The following KIF11 variants were observed in gnomAD, a reference collection of about 807,000 sequenced individuals.
KIF11 encodes the protein kinesin-like protein KIF11.
Under a neutral mutation model 121.0 loss-of-function variants are expected in KIF11, and 9 were observed. The ratio of observed to expected loss-of-function variants is 0.07; its 90% CI spans 0.04 to 0.13. The LOEUF is 0.13. Among genes scored for constraint, KIF11 ranks in the 10% least tolerant of loss-of-function variants. KIF11 has a pLI of 1.00. For synonymous variants in KIF11, 408 were observed against 421.0 expected (o/e 0.97, Z 0.38); for missense variants, 846 against 1,217.5 (o/e 0.69, Z 4.54).
At chr10:92,641,763 TATGACTTTGATGACACAA>T (rs1369330201) in intron 17 of KIF11, among the ~76,000 whole-genome samples, 1 of 152,228 alleles carries the variant, frequency 6.6e-6, no homozygotes, top group Non-Finnish European at 1.5e-5. Flanking sequence ...CATCTGCCCC[TATGACTTTGATGACACAA>T]ATGTTAGATC....
chr10:92,650,502 G>A lies in KIF11; in HGVS notation c.3024G>A (p.Gly1008=), dbSNP rs1242158562. 6.2e-7 allele frequency: 1 copy of A among 1,606,856 alleles called. No individual in the cohort carries two copies. The highest frequency in any genetic ancestry group is 1.7e-5 in the Admixed American group (1 of 59,992). Residue 1008 remains glycine, a synonymous_variant, in exon 21 of 22, where the codon GGG becomes GGA. Coordinates refer to ENST00000260731, the MANE Select transcript of KIF11 (RefSeq NM_004523.4). ...DAGVDCSSIG[G]VPFFQHKKSH... ...GTGTGGATTGTTCATCAATTGGCGG[G>A]GTTCCATTTTTCCAGGTATGTCATA...
Position 92,613,031 on chromosome 10 carries a change from G to A in KIF11, c.699-9G>A, listed in dbSNP as rs1165319669. 2.6e-6 allele frequency: 4 copies of A among 1,536,580 alleles called. No individual in the cohort carries two copies. Among genetic ancestry groups the A allele is most frequent in the Non-Finnish European group, 3.6e-6 (4 of 1,115,304 alleles). On this transcript the variant is annotated splice_polypyrimidine_tract_variant and intron_variant, in intron 6 of 21. Coordinates refer to ENST00000260731, the MANE Select transcript of KIF11 (RefSeq NM_004523.4). The surrounding 1 kb of genome is among the most constrained non-coding windows in gnomAD (Gnocchi z 4.2). ...TATAATGACTGGGCAACTTGATATT[G>A]TTTTCTAGTCGTTCCCACTCAGTTT...
intron 20 of KIF11, 127 bp downstream of exon 20, chr10:92,650,113 G>A: frequency 1.5e-6 from 1 of 682,528 alleles, no homozygotes. Flanking sequence ...GATAGGCCTA[G>A]CCCTTAGGCT....
At chr10:92,651,856 G>GGT (rs1428943155) in intron 21 of KIF11, among the ~76,000 whole-genome samples, 1 of 151,574 alleles carries the variant, frequency 6.6e-6, no homozygotes, top group Non-Finnish European at 1.5e-5. Flanking sequence ...CTAATTTGAG[G>GGT]GTACAAGCCT....
Position 92,613,604 on chromosome 10 carries a change from A to G in KIF11, c.1017A>G (p.Ala339=), listed in dbSNP as rs1257384818. ...RTSIIATISP[A]SLNLEETLST... is the part of the protein sequence containing the mutation. The stretch of plus-strand genomic sequence containing the variant: ...CTATAATTGCAACAATTTCTCCTGC[A>G]TCTCTCAATCTTGAGGTAAGCCCTT... Residue 339 remains alanine (A), a synonymous_variant, in exon 8 of 22, where the codon GCA becomes GCG. Coordinates refer to ENST00000260731, the MANE Select transcript of KIF11 (RefSeq NM_004523.4). This position sits in a 1 kb window ranked among gnomAD's most constrained non-coding sequence, Gnocchi z 4.2. 1 of 1,612,754 alleles carries G rather than the reference A, an allele frequency of 6.2e-7. No individual in the cohort carries two copies. Among genetic ancestry groups the G allele is most frequent in the Non-Finnish European group, 8.5e-7 (1 of 1,179,382 alleles).
chr10:92,624,228 CTT>C (rs201871020), intron 10 of KIF11, among the ~76,000 whole-genome samples: 253 of 99,804 alleles, frequency 2.5e-3, no homozygotes, highest in African/African-American at 3.3e-3. Flanking sequence ...TGATCTCATT[CTT>C]TTTTTTTTTT....
At chr10:92,631,628 T>C (rs1318245682) in intron 12 of KIF11, among the ~76,000 whole-genome samples, 9 of 151,850 alleles carry the variant, frequency 5.9e-5, no homozygotes, top group Admixed American at 4.6e-4. Context: ...CCCAAAGTGC[T>C]GGGATTACAG....
intron 10 of KIF11, among the ~76,000 whole-genome samples, chr10:92,623,940 A>C (rs1174394344): frequency 6.6e-6 from 1 of 151,868 alleles, no homozygotes; most frequent in Non-Finnish European, 1.5e-5. Context: ...GATTTGTTCT[A>C]TAGATATATT....
chr10:92,597,551 C>T (rs1844312602), intron 1 of KIF11, among the ~76,000 whole-genome samples: 1 of 152,028 alleles, frequency 6.6e-6, no homozygotes, highest in Non-Finnish European at 1.5e-5. Context: ...GAGTGTGAGC[C>T]CTCATCTGGC....
At chr10:92,642,478 A>T in intron 17 of KIF11, among the ~76,000 whole-genome samples, 1 of 152,232 alleles carries the variant, frequency 6.6e-6, no homozygotes, top group Admixed American at 6.5e-5. Context: ...GTTGATTGAT[A>T]GTGCTATTCA....
intron 1 of KIF11, among the ~76,000 whole-genome samples, chr10:92,595,813 T>A (rs1844288790): frequency 6.6e-6 from 1 of 152,042 alleles, no homozygotes; most frequent in African/African-American, 2.4e-5. Flanking sequence ...TAAAGTGGAG[T>A]CATAATACAG....
At chr10:92,617,771 G>A (rs928282581) in intron 9 of KIF11, among the ~76,000 whole-genome samples, 8 of 149,464 alleles carry the variant, frequency 5.4e-5, no homozygotes, top group African/African-American at 1.7e-4. Context: ...ATGAAGTCTC[G>A]CTCTTTCACC....
chr10:92,641,890 T>A (rs1313533455), intron 17 of KIF11, among the ~76,000 whole-genome samples: 1 of 152,204 alleles, frequency 6.6e-6, no homozygotes, highest in Non-Finnish European at 1.5e-5. Context: ...TGATCTGTCT[T>A]CATATTCACT....
intron 11 of KIF11, 89 bp downstream of exon 11, chr10:92,628,984 A>G (rs988947952): frequency 5.1e-6 from 4 of 785,678 alleles, no homozygotes; most frequent in East Asian, 5.6e-5. Flanking sequence ...TTTTTCCTTC[A>G]AGATTTTTTT....
chr10:92,605,115 G>C (rs758529797), intron 1 of KIF11, among the ~76,000 whole-genome samples: 8 of 152,110 alleles, frequency 5.3e-5, no homozygotes, highest in Middle Eastern at 3.2e-3. Flanking sequence ...TGGAGCAGGT[G>C]GGGGAGGCAC....
At chr10:92,645,926 T>C (rs959192877) in intron 18 of KIF11, among the ~76,000 whole-genome samples, 2 of 151,310 alleles carry the variant, frequency 1.3e-5, no homozygotes, top group South Asian at 4.2e-4. Context: ...TCTTTTGATA[T>C]GTAATACCTT....
intron 1 of KIF11, among the ~76,000 whole-genome samples, chr10:92,603,456 T>C (rs1357388793): frequency 6.6e-6 from 1 of 151,304 alleles, no homozygotes; most frequent in Non-Finnish European, 1.5e-5. Context: ...GGCTGGAGTG[T>C]AGTGGCACAG....
Position 92,613,674 on chromosome 10 carries a change from A to T in KIF11, c.1032+55A>T. On this transcript the variant is annotated intron_variant, in intron 8 of 21. Coordinates refer to ENST00000260731, the MANE Select transcript of KIF11 (RefSeq NM_004523.4). The surrounding 1 kb of genome is among the most constrained non-coding windows in gnomAD (Gnocchi z 4.2). ...TAGTAGCTGTAATTCTTATTTGGCT[A>T]TTATATATTTTAAAAGTTCATTTAC... 1 of 1,518,666 alleles carries T rather than the reference A, an allele frequency of 6.6e-7. No individual in the cohort carries two copies. Among genetic ancestry groups the T allele is most frequent in the East Asian group, 2.3e-5 (1 of 44,292 alleles). The allele number at this position is 1,518,666 out of a possible 1,614,324, so 94.1% of individuals were successfully genotyped here.
At chr10:92,643,555 A>ATTTT (rs368633432) in intron 17 of KIF11, among the ~76,000 whole-genome samples, 3,219 of 123,394 alleles carry the variant, frequency 0.026, 213 homozygotes, top group African/African-American at 0.1. Context: ...TATCTACTAG[A>ATTTT]TTTTTTTTTT....
Sources: allele counts gnomAD v4.1 joint callset (sites outside exome capture counted in the v4.1 genomes callset), GRCh38; gene constraint gnomAD v4.1.1; non-coding constraint Gnocchi (gnomAD v3.1); transcripts MANE v1.5; gene names NCBI Gene and HGNC (gene_info 2026-07-23, HGNC 2026-07-21).